Variants in ABCC1 observed in about 807,000 individuals in gnomAD.
ABCC1 encodes ATP binding cassette subfamily C member 1 (ABCC1 blood group), also known as multidrug resistance-associated protein 1.
ABCC1 carries 83 observed loss-of-function variants against 172.9 expected under a neutral mutation model. The ratio of observed to expected loss-of-function variants is 0.48; its 90% CI spans 0.40 to 0.58. The LOEUF is 0.58. ABCC1 is among the 20% of genes least tolerant of loss of function. ABCC1 has a pLI of 0.00. For missense variants in ABCC1, 1,817 were observed against 2,002.7 expected (o/e 0.91, Z 1.77); for synonymous variants, 937 against 825.2 (o/e 1.14, Z -2.32).
chr16:16,093,054 A>G (rs1213037963), intron 19 of ABCC1, among the ~76,000 whole-genome samples: 2 of 152,084 alleles, frequency 1.3e-5, no homozygotes, highest in African/African-American at 4.8e-5. Context: ...TCAGCTTTTA[A>G]ATTATTTGAT....
chr16:16,045,491 G>A (rs2049168281), intron 8 of ABCC1, among the ~76,000 whole-genome samples: 1 of 151,698 alleles, frequency 6.6e-6, no homozygotes, highest in South Asian at 2.1e-4. Flanking sequence ...TCTCCTACCT[G>A]GCTCTCTGCT....
At chr16:16,021,344 G>T (rs2048185487) in intron 5 of ABCC1, among the ~76,000 whole-genome samples, 1 of 151,762 alleles carries the variant, frequency 6.6e-6, no homozygotes, top group Admixed American at 6.6e-5. Context: ...GCATTTTGGG[G>T]GGTTAAATAT....
chr16:16,071,619 C>T, intron 13 of ABCC1, 23 bp from the exon 14 acceptor site: 2 of 1,607,084 alleles, frequency 1.2e-6, no homozygotes, highest in Non-Finnish European at 1.7e-6. Flanking sequence ...AATAACTCTC[C>T]CCTGCCATTG....
chr16:16,007,909 G>T lies in ABCC1; in HGVS notation c.142G>T (p.Ala48Ser). The T allele has an allele frequency of 1.9e-6, 3 of 1,612,902 alleles. No individual in the cohort carries two copies. Among genetic ancestry groups the T allele is most frequent in the Non-Finnish European group, 2.5e-6 (3 of 1,179,764 alleles). The part of the protein sequence containing the change: ...LVWVPCFYLW[A>S]CFPFYFLYLS... Reference sequence around the variant, plus strand: ...GTGGGTGCCTTGTTTTTACCTCTGGGCCTGTTTCCCCTTCTACTTCCTCTA... The same window carrying T: ...GTGGGTGCCTTGTTTTTACCTCTGGTCCTGTTTCCCCTTCTACTTCCTCTA... The change falls in exon 2 of 31, where the codon GCC (alanine) becomes TCC (serine). Residue 48 changes from alanine to serine, a missense_variant. Ala to Ser is a moderately conservative substitution (Grantham distance 99, BLOSUM62 1). Around this residue, in one of 3 missense-constraint regions of ABCC1, gnomAD observed 398 missense variants for 384.2 expected, o/e 1.04. Transcript: ENST00000399410.
intron 5 of ABCC1, among the ~76,000 whole-genome samples, chr16:16,021,873 C>G (rs1254195492): frequency 6.6e-6 from 1 of 152,168 alleles, no homozygotes; most frequent in Non-Finnish European, 1.5e-5. Context: ...TTGGGGACGT[C>G]AGCAGCCCCT....
intron 30 of ABCC1, among the ~76,000 whole-genome samples, chr16:16,139,322 C>T (rs2046038999): frequency 6.6e-6 from 1 of 151,792 alleles, no homozygotes; most frequent in Non-Finnish European, 1.5e-5. Flanking sequence ...TTTAAAAAAT[C>T]AGAAGCAGGC....
chr16:15,987,154 G>C (rs1433030659), intron 1 of ABCC1, among the ~76,000 whole-genome samples: 2 of 152,192 alleles, frequency 1.3e-5, no homozygotes, highest in Non-Finnish European at 1.5e-5. Context: ...AACAAAACGA[G>C]ACCCTGTGTC....
chr16:16,107,813 G>GT (rs2052200524), intron 21 of ABCC1, among the ~76,000 whole-genome samples: 2 of 151,312 alleles, frequency 1.3e-5, no homozygotes, highest in Non-Finnish European at 2.9e-5. Context: ...AAATAAATGT[G>GT]GTTTTTTTTG....
intron 10 of ABCC1, among the ~76,000 whole-genome samples, chr16:16,051,607 G>C (rs747133153): frequency 2.0e-5 from 3 of 152,130 alleles, no homozygotes; most frequent in Middle Eastern, 3.2e-3. Flanking sequence ...TGGCAACCAT[G>C]ATGATTATGT....
intron 25 of ABCC1, 48 bp downstream of exon 25, chr16:16,124,963 G>A (rs1391601937): frequency 1.2e-5 from 20 of 1,611,696 alleles, no homozygotes; most frequent in Non-Finnish European, 1.5e-5. Flanking sequence ...GTTAATGGGG[G>A]AGCCAGTTGT....
chr16:16,118,026 C>T (rs922257633), intron 23 of ABCC1, among the ~76,000 whole-genome samples: 1 of 152,204 alleles, frequency 6.6e-6, no homozygotes, highest in South Asian at 2.1e-4. Context: ...CATGTGGTTT[C>T]TTAGGATATC....
intron 12 of ABCC1, chr16:16,056,604 G>A (rs1048934378): frequency 1.2e-5 from 5 of 402,926 alleles, no homozygotes; most frequent in African/African-American, 6.1e-5. Context: ...GGGAGGCGAC[G>A]GTTGGAGTGG....
intron 1 of ABCC1, among the ~76,000 whole-genome samples, chr16:15,994,599 T>G (rs940158742): frequency 6.6e-6 from 1 of 152,138 alleles, no homozygotes; most frequent in African/African-American, 2.4e-5. Flanking sequence ...TGCTATTTAT[T>G]TATTTGAAGT....
At chr16:15,966,826 T>A (rs1229033939) in intron 1 of ABCC1, among the ~76,000 whole-genome samples, 2 of 151,934 alleles carry the variant, frequency 1.3e-5, no homozygotes, top group African/African-American at 2.4e-5. Flanking sequence ...AATTTTTAAT[T>A]TTTTTTAGAG....
chr16:16,008,315 C>G (rs1038076245), intron 2 of ABCC1, among the ~76,000 whole-genome samples: 1 of 151,858 alleles, frequency 6.6e-6, no homozygotes, highest in Non-Finnish European at 1.5e-5. Context: ...TCTTACTGAG[C>G]CGATCTCCTT....
At chr16:16,003,151 G>A (rs976872126) in intron 1 of ABCC1, among the ~76,000 whole-genome samples, 2 of 152,092 alleles carry the variant, frequency 1.3e-5, no homozygotes, top group African/African-American at 4.8e-5. Flanking sequence ...TGAACTGTTG[G>A]GTGGGTAGAT....
chr16:16,107,013 C>G, intron 21 of ABCC1, 140 bp downstream of exon 21: 1 of 1,277,766 alleles, frequency 7.8e-7, no homozygotes, highest in Non-Finnish European at 1.1e-6. Context: ...ATTTGCAGCA[C>G]CAGAAACTGA....
At chr16:16,048,090 A>G in intron 9 of ABCC1, 52 bp from the exon 10 acceptor site, 1 of 1,595,898 alleles carries the variant, frequency 6.3e-7, no homozygotes, top group Non-Finnish European at 8.6e-7. Flanking sequence ...AGGGAGAGTC[A>G]GGCCTCTTCA....
intron 1 of ABCC1, among the ~76,000 whole-genome samples, chr16:15,988,966 G>A (rs2046800488): frequency 6.6e-6 from 1 of 150,756 alleles, no homozygotes; most frequent in Admixed American, 6.7e-5. Context: ...CTACTTGAGA[G>A]GCTGAGGTGG....
Sources: gnomAD v4.1 joint callset for allele counts (sites outside exome capture counted in the v4.1 genomes callset) on GRCh38, gnomAD v4.1.1 for gene constraint, gnomAD v4.1.1 regional missense constraint, MANE v1.5 for transcripts, NCBI Gene and HGNC (gene_info 2026-07-23, HGNC 2026-07-21) for gene names.